The following WWP1 variants were observed in gnomAD, a reference collection of about 807,000 sequenced individuals.
The protein encoded by WWP1 is WW domain containing E3 ubiquitin protein ligase 1, also known as NEDD4-like E3 ubiquitin-protein ligase WWP1.
A neutral mutation model predicts 130.6 loss-of-function variants in WWP1; 49 were observed. The ratio of observed to expected loss-of-function variants is 0.38; its 90% confidence interval spans 0.30 to 0.48. WWP1 has a LOEUF of 0.48. Ranked by LOEUF, WWP1 falls within the 20% of genes least tolerant of loss-of-function variation. The pLI is 0.99. For synonymous variants in WWP1, 332 were observed against 367.8 expected, an observed-to-expected ratio of 0.90 and a Z score of 1.11; for missense variants, 809 against 1,100.6, an observed-to-expected ratio of 0.74 and a Z score of 3.75.
intron 12 of WWP1, among the ~76,000 whole-genome samples, chr8:86,431,199 ATT>A (rs1225755855): frequency 1.4e-5 from 2 of 140,628 alleles, no homozygotes; most frequent in African/African-American, 5.2e-5. Flanking sequence ...TATAATATAT[ATT>A]ATATTCTCTA....
Position 86,425,217 on chromosome 8 carries a change from T to C in WWP1, c.1062-6T>C. 6.2e-7 allele frequency: 1 copy of C among 1,600,334 alleles called. No homozygotes were observed. The highest frequency in any genetic ancestry group is 2.2e-5 in the East Asian group (1 of 44,698). ...TCTTACTGTTATTTTTGTATTTTTA[T>C]TAAAGGTGGGAACAAAGAAAAGATC... On this transcript the variant is annotated splice_polypyrimidine_tract_variant and splice_region_variant and intron_variant, in intron 9 of 24. Transcript: ENST00000517970.
At chr8:86,386,243 TTAACA>T (rs1227113537) in intron 5 of WWP1, among the ~76,000 whole-genome samples, 1 of 152,164 alleles carries the variant, frequency 6.6e-6, no homozygotes, top group East Asian at 1.9e-4. Flanking sequence ...ATTTCATTCT[TTAACA>T]TAGGTGGAAT....
At chr8:86,348,499 T>C (rs1175752380) in intron 1 of WWP1, among the ~76,000 whole-genome samples, 2 of 152,226 alleles carry the variant, frequency 1.3e-5, no homozygotes, top group African/African-American at 4.8e-5. Flanking sequence ...ATTACAGGCA[T>C]GAGCCACCAC....
intron 2 of WWP1, among the ~76,000 whole-genome samples, chr8:86,371,259 A>C (rs1363588957): frequency 2.0e-5 from 3 of 151,788 alleles, no homozygotes; most frequent in Non-Finnish European, 4.4e-5. Context: ...AATTTATGTA[A>C]CCATTTTTCT....
At chr8:86,425,455 A>T in intron 10 of WWP1, 137 bp downstream of exon 10, 1 of 573,522 alleles carries the variant, frequency 1.7e-6, no homozygotes, top group Non-Finnish European at 2.8e-6. Context: ...ATAAATAATG[A>T]ATGTTCAGTC....
chr8:86,418,801 G>A (rs766566785), intron 9 of WWP1, among the ~76,000 whole-genome samples: 4 of 152,166 alleles, frequency 2.6e-5, no homozygotes, highest in Non-Finnish European at 5.9e-5. Flanking sequence ...AGTAAGTGAA[G>A]AAGGTTGTAA....
Position 86,407,301 on chromosome 8 carries a change from A to G in WWP1, c.725-4237A>G, listed in dbSNP as rs541131913. 4.6e-5 allele frequency among the ~76,000 whole-genome samples: 7 copies of G among 151,944 alleles called. No individual in the cohort carries two copies. In the South Asian group the frequency reaches 1.5e-3, roughly 32 times the overall value. ...CAATCTTTCTTATATCCATTTGTCA[A>G]CAGATGTTTATTTTGCAACTACCAT... On this transcript the variant is annotated intron_variant, in intron 8 of 24. Transcript: ENST00000517970.
intron 16 of WWP1, 128 bp downstream of exon 16, chr8:86,435,832 C>G: frequency 2.5e-6 from 2 of 788,934 alleles, no homozygotes; most frequent in Non-Finnish European, 4.0e-6. Flanking sequence ...ACTGCCACCA[C>G]CACTTGTTGA....
At chr8:86,430,458 AT>A (rs1003762964) in intron 11 of WWP1, among the ~76,000 whole-genome samples, 2 of 151,016 alleles carry the variant, frequency 1.3e-5, no homozygotes, top group South Asian at 2.1e-4. Context: ...TTAAAAAAAA[AT>A]TTTTTTTTAT....
Position 86,427,638 on chromosome 8 carries a change from G to T in WWP1, c.1158-5G>T. The T allele has an allele frequency of 6.3e-7, 1 of 1,594,620 alleles. No individual in the cohort carries two copies. Among genetic ancestry groups the T allele is most frequent in the Non-Finnish European group, 8.6e-7 (1 of 1,168,164 alleles). ...TTATTGTTTATTATTGTTTACTTGT[G>T]GTAGTTGGGAAAGAAGAGTTGATGA... On this transcript the variant is annotated splice_polypyrimidine_tract_variant and splice_region_variant and intron_variant, in intron 10 of 24. Transcript: ENST00000517970.
Position 86,451,214 on chromosome 8 carries a change from T to TAA in WWP1, c.2274-1307_2274-1306dup, listed in dbSNP as rs61141803. On this transcript the variant is annotated intron_variant, in intron 20 of 24. Coordinates refer to ENST00000517970, the MANE Select transcript of WWP1 (RefSeq NM_007013.4). Reference sequence around the variant, plus strand: ...GCAACCGAGTGAGACCCTATGTTATTAAAAAAAAAAAAAAAAAAAAAAAAA... The same window carrying TAA: ...GCAACCGAGTGAGACCCTATGTTATTAAAAAAAAAAAAAAAAAAAAAAAAAAA... Among the ~76,000 whole-genome samples the TAA allele has an allele frequency of 4.8e-4, 21 of 43,676 alleles. 1 individual carries two copies. The highest frequency in any genetic ancestry group is 9.5e-4 in the East Asian group (1 of 1,052). The allele number at this position is 43,676 out of a possible 152,430, so 28.7% of individuals were successfully genotyped here. A position where few individuals can be genotyped will look rare whatever the true frequency, so the allele number is the denominator to read the frequency against.
At chr8:86,389,857 G>T (rs1397818972) in intron 5 of WWP1, among the ~76,000 whole-genome samples, 1 of 151,186 alleles carries the variant, frequency 6.6e-6, no homozygotes, top group African/African-American at 2.4e-5. Context: ...CTTCCCAGAT[G>T]GGGCGGCTGG....
At chr8:86,422,038 A>C (rs1417980076) in intron 9 of WWP1, among the ~76,000 whole-genome samples, 1 of 152,092 alleles carries the variant, frequency 6.6e-6, no homozygotes, top group Non-Finnish European at 1.5e-5. Flanking sequence ...ATAAGCACTC[A>C]CATTTAAAAA....
chr8:86,385,782 C>T (rs1323326365), intron 5 of WWP1, among the ~76,000 whole-genome samples: 2 of 152,086 alleles, frequency 1.3e-5, no homozygotes, highest in African/African-American at 4.8e-5. Context: ...CCACAGTCCA[C>T]AGCCAAAGAT....
intron 1 of WWP1, among the ~76,000 whole-genome samples, chr8:86,362,165 T>TATATATATATATATATATATATATAAGGC (rs1823690672): frequency 1.9e-4 from 6 of 32,022 alleles, no homozygotes; most frequent in African/African-American, 4.1e-4. Context: ...ATACAAGGCA[T>TATATATATATATATATATATATATAAGGC]ATATATATAT....
chr8:86,347,638 T>C (rs1211103654), intron 1 of WWP1, among the ~76,000 whole-genome samples: 1 of 152,250 alleles, frequency 6.6e-6, no homozygotes, highest in Non-Finnish European at 1.5e-5. Context: ...TACCACAGAA[T>C]AGTTATTCTC....
chr8:86,467,421 T>G lies in WWP1; in HGVS notation c.*528T>G, dbSNP rs2130185592. The G allele has an allele frequency of 6.6e-6, 1 of 152,666 alleles. No homozygotes were observed. The highest frequency in any genetic ancestry group is 1.5e-5 in the Non-Finnish European group (1 of 68,014). 9.5% of individuals were successfully genotyped at this position (152,666 alleles called of 1,614,324 possible). ...TAAAAAAAAAAAAATGCTGCTGGCT[T>G]TTCTGAAGACAGGTGCTTGAACTTG... On this transcript the variant is annotated 3_prime_UTR_variant, in exon 25 of 25. Transcript: ENST00000517970.
chr8:86,431,875 A>C, intron 14 of WWP1, 132 bp downstream of exon 14: 1 of 1,120,518 alleles, frequency 8.9e-7, no homozygotes, highest in Non-Finnish European at 1.3e-6. Context: ...GTGAAACCTT[A>C]GTATAGCTGT....
intron 9 of WWP1, among the ~76,000 whole-genome samples, chr8:86,418,341 T>G (rs2130604989): frequency 6.6e-6 from 1 of 152,294 alleles, no homozygotes; most frequent in Admixed American, 6.5e-5. Context: ...TCCTTGTGTA[T>G]TATTTATTGC....
Sources: allele counts gnomAD v4.1 joint callset (sites outside exome capture counted in the v4.1 genomes callset), GRCh38; gene constraint gnomAD v4.1.1; transcripts MANE v1.5; gene names NCBI Gene and HGNC (gene_info 2026-07-23, HGNC 2026-07-21).